The following POFUT3 variants were observed in gnomAD, a reference collection of about 807,000 sequenced individuals.
The protein encoded by POFUT3 is GDP-fucose protein O-fucosyltransferase 3.
At chr8:33,398,306 A>G in the POFUT3 span, among the ~76,000 whole-genome samples, 51 of 152,226 alleles carry the variant, frequency 3.4e-4, no homozygotes, top group Non-Finnish European at 6.9e-4. Flanking sequence ...CACCGTTCAG[A>G]TTCAAAAATT....
chr8:33,333,769 A>G, the POFUT3 span, among the ~76,000 whole-genome samples: 10 of 152,306 alleles, frequency 6.6e-5, no homozygotes, highest in Admixed American at 6.5e-4. Flanking sequence ...GCACGGATTC[A>G]GGTCCATACT....
At chr8:33,319,389 AT>A in the POFUT3 span, among the ~76,000 whole-genome samples, 39,680 of 41,872 alleles carry the variant, frequency 0.95, 18,748 homozygotes, top group Non-Finnish European at 0.98. Flanking sequence ...ATAGAAATAT[AT>A]TTTTATATAT....
At chr8:33,463,368 G>A in the POFUT3 span, among the ~76,000 whole-genome samples, 18 of 151,982 alleles carry the variant, frequency 1.2e-4, no homozygotes, top group South Asian at 2.1e-3. Context: ...AGCTGGGTGC[G>A]GTGGCAGGCA....
the POFUT3 span, among the ~76,000 whole-genome samples, chr8:33,317,171 T>C: frequency 0.09 from 13,641 of 152,156 alleles, 1,140 homozygotes; most frequent in African/African-American, 0.21. Context: ...CAAAAGAAGT[T>C]ATAGCCACAA....
the POFUT3 span, among the ~76,000 whole-genome samples, chr8:33,467,519 G>C: frequency 1.8e-4 from 27 of 152,042 alleles, no homozygotes; most frequent in African/African-American, 6.5e-4. Context: ...AGACATCCAC[G>C]GCAGGTACCA....
chr8:33,380,054 A>ATG, the POFUT3 span, among the ~76,000 whole-genome samples: 1 of 72,778 alleles, frequency 1.4e-5, no homozygotes, highest in African/African-American at 8.1e-5. Context: ...TATATACACT[A>ATG]TATATATACA....
chr8:33,441,851 C>T, the POFUT3 span, among the ~76,000 whole-genome samples: 3 of 152,164 alleles, frequency 2.0e-5, no homozygotes, highest in Non-Finnish European at 4.4e-5. Flanking sequence ...GCCATCATTT[C>T]CAAAGGCCTC....
the POFUT3 span, among the ~76,000 whole-genome samples, chr8:33,324,822 G>A: frequency 1.3e-5 from 2 of 151,152 alleles, no homozygotes; most frequent in African/African-American, 4.9e-5. Context: ...TTCTTTCTCA[G>A]CTCTTACCCT....
At chr8:33,467,295 AG>A in the POFUT3 span, among the ~76,000 whole-genome samples, 40 of 151,248 alleles carry the variant, frequency 2.6e-4, no homozygotes, top group African/African-American at 9.2e-4. Flanking sequence ...AAAAAAAAAA[AG>A]ACTAGTGATT....
At chr8:33,400,312 G>T in the POFUT3 span, among the ~76,000 whole-genome samples, 1 of 151,906 alleles carries the variant, frequency 6.6e-6, no homozygotes, top group East Asian at 2.0e-4. Flanking sequence ...ACTTCATTTC[G>T]TGTAGTGGTA....
At chr8:33,409,630 G>T in the POFUT3 span, among the ~76,000 whole-genome samples, 4 of 152,170 alleles carry the variant, frequency 2.6e-5, no homozygotes, top group African/African-American at 9.7e-5. Context: ...ATCTGGCCGG[G>T]CGCAGTGACT....
the POFUT3 span, among the ~76,000 whole-genome samples, chr8:33,417,126 G>A: frequency 6.6e-6 from 1 of 152,172 alleles, no homozygotes; most frequent in African/African-American, 2.4e-5. Flanking sequence ...AGCAGCATTA[G>A]ATTCTCACAG....
chr8:33,367,178 C>T, the POFUT3 span, among the ~76,000 whole-genome samples: 36 of 152,298 alleles, frequency 2.4e-4, no homozygotes, highest in African/African-American at 8.7e-4. Context: ...ATCTCTGCAG[C>T]ACTGTGACAT....
At chr8:33,386,601 G>T in the POFUT3 span, among the ~76,000 whole-genome samples, 3 of 152,158 alleles carry the variant, frequency 2.0e-5, no homozygotes, top group Non-Finnish European at 4.4e-5. Context: ...ACGAGGTTGG[G>T]AGATCAAAAC....
chr8:33,397,646 G>A, the POFUT3 span, among the ~76,000 whole-genome samples: 1 of 152,136 alleles, frequency 6.6e-6, no homozygotes, highest in Non-Finnish European at 1.5e-5. Context: ...TTCATGATGA[G>A]GCTATATAAC....
chr8:33,313,752 C>T, the POFUT3 span, among the ~76,000 whole-genome samples: 3 of 152,122 alleles, frequency 2.0e-5, no homozygotes, highest in Non-Finnish European at 4.4e-5. Flanking sequence ...ATATAAACTC[C>T]TCATATTTTA....
chr8:33,314,474 A>G, the POFUT3 span, among the ~76,000 whole-genome samples: 1 of 152,224 alleles, frequency 6.6e-6, no homozygotes, highest in South Asian at 2.1e-4. Flanking sequence ...TGAAATCATG[A>G]GCAAGTTAAC....
chr8:33,315,250 A>G, the POFUT3 span, among the ~76,000 whole-genome samples: 7 of 152,268 alleles, frequency 4.6e-5, no homozygotes, highest in East Asian at 3.9e-4. Context: ...TTCCTAGTAA[A>G]TATCATCAGT....
At chr8:33,470,412 C>G in the POFUT3 span, among the ~76,000 whole-genome samples, 3 of 151,886 alleles carry the variant, frequency 2.0e-5, no homozygotes, top group African/African-American at 7.3e-5. Flanking sequence ...AGAGCTAGAC[C>G]CTGTCTCAAA....
Sources: gnomAD v4.1 joint callset for allele counts (sites outside exome capture counted in the v4.1 genomes callset) on GRCh38, gnomAD v4.1.1 for gene constraint, MANE v1.5 for transcripts, NCBI Gene and HGNC (gene_info 2026-07-23, HGNC 2026-07-21) for gene names.